GALM: variants seen among roughly 807,000 people sequenced by gnomAD.
GALM encodes aldose 1-epimerase.
GALM carries 43 observed loss-of-function variants against 37.4 expected under a neutral mutation model. That is an observed-to-expected ratio of 1.15 (90% confidence interval 0.90 to 1.48). GALM has a LOEUF of 1.48. Ranked by LOEUF, GALM falls within the 40% of genes most tolerant of loss-of-function variation. GALM has a pLI of 0.00. For synonymous variants in GALM, 199 were observed against 170.6 expected, an observed-to-expected ratio of 1.17 and a Z score of -1.30; for missense variants, 456 against 419.1, an observed-to-expected ratio of 1.09 and a Z score of -0.77.
chr2:38,714,218 G>T (rs1233032205), intron 4 of GALM, among the ~76,000 whole-genome samples: 1 of 151,630 alleles, frequency 6.6e-6, no homozygotes, highest in Non-Finnish European at 1.5e-5. Flanking sequence ...TTTTGCGGGG[G>T]GGTTGTTGTT....
chr2:38,675,589 G>GTGTGT (rs1665240236), intron 1 of GALM, among the ~76,000 whole-genome samples: 2 of 128,424 alleles, frequency 1.6e-5, no homozygotes, highest in Non-Finnish European at 3.2e-5. Context: ...GTGTGTGTGT[G>GTGTGT]ATGGAGTCTC....
chr2:38,678,713 G>C (rs185516845), intron 2 of GALM, among the ~76,000 whole-genome samples: 3 of 152,146 alleles, frequency 2.0e-5, no homozygotes, highest in African/African-American at 7.2e-5. Flanking sequence ...TGCCTTCACT[G>C]TAGGTGAAGG....
chr2:38,686,240 C>CT (rs1240589617), intron 3 of GALM, among the ~76,000 whole-genome samples: 51 of 92,036 alleles, frequency 5.5e-4, no homozygotes, highest in African/African-American at 3.3e-3. Context: ...TTCTTTCTTT[C>CT]TTTCTTTCTT....
chr2:38,710,876 C>T (rs1280358653), intron 4 of GALM, among the ~76,000 whole-genome samples: 1 of 151,538 alleles, frequency 6.6e-6, no homozygotes, highest in Non-Finnish European at 1.5e-5. Context: ...GCCTCAGCCT[C>T]CCGAGTAGCT....
At chr2:38,698,467 C>T in intron 4 of GALM, 4 of 1,187,904 alleles carry the variant, frequency 3.4e-6, no homozygotes, top group Non-Finnish European at 4.5e-6. Context: ...TGGATGTTAG[C>T]AGTTAATTTA....
chr2:38,694,822 G>A (rs900802743), intron 4 of GALM, among the ~76,000 whole-genome samples: 27 of 151,418 alleles, frequency 1.8e-4, no homozygotes, highest in African/African-American at 5.6e-4. Flanking sequence ...GCGTGAACCC[G>A]GGAGGTGGAG....
In GALM at chr2:38,675,843, A is replaced by G. The variant is rs1159119478; in HGVS notation, c.191-69A>G. ...CTCGGCCTCCCATAGTGCTGGGATT[A>G]CAGGTGTGAGCCACCGTGCCCAGCC... On this transcript the variant is annotated intron_variant, in intron 1 of 6. Coordinates refer to ENST00000272252, the MANE Select transcript of GALM (RefSeq NM_138801.3). 4 of 1,459,946 alleles carry G rather than the reference A, an allele frequency of 2.7e-6. No individual in the cohort carries two copies. The East Asian group carries it at 6.8e-5, about 25-fold the overall frequency. The allele number at this position is 1,459,946 out of a possible 1,614,324, so 90.4% of individuals were successfully genotyped here. A position where few individuals can be genotyped will look rare whatever the true frequency, so the allele number is the denominator to read the frequency against.
intron 1 of GALM, among the ~76,000 whole-genome samples, chr2:38,672,329 T>G (rs1171138516): frequency 6.6e-6 from 1 of 152,238 alleles, no homozygotes; most frequent in Non-Finnish European, 1.5e-5. Context: ...TCTATAATTT[T>G]TGAGCTTCTG....
At chr2:38,696,556 C>T (rs1351318293) in intron 4 of GALM, among the ~76,000 whole-genome samples, 1 of 151,648 alleles carries the variant, frequency 6.6e-6, no homozygotes, top group Non-Finnish European at 1.5e-5. Flanking sequence ...CTCCGCCTTC[C>T]AAATAGCTAG....
intron 4 of GALM, among the ~76,000 whole-genome samples, chr2:38,713,540 T>A (rs1288617301): frequency 6.6e-6 from 1 of 152,138 alleles, no homozygotes; most frequent in Non-Finnish European, 1.5e-5. Flanking sequence ...AATCGCTGAT[T>A]TACAGGGCTG....
chr2:38,699,691 A>C (rs1665878309), intron 4 of GALM, among the ~76,000 whole-genome samples: 1 of 152,162 alleles, frequency 6.6e-6, no homozygotes, highest in Non-Finnish European at 1.5e-5. Flanking sequence ...TTCTTCACTG[A>C]TCATTCAGGA....
chr2:38,720,045 AAATAAT>A (rs997734674), intron 4 of GALM, among the ~76,000 whole-genome samples: 33 of 151,698 alleles, frequency 2.2e-4, no homozygotes, highest in Admixed American at 1.5e-3. Context: ...CTACTAAAAA[AAATAAT>A]AATAATAATA....
intron 1 of GALM, chr2:38,668,213 T>C (rs1665003968): frequency 6.6e-6 from 1 of 152,094 alleles, no homozygotes; most frequent in African/African-American, 2.4e-5. Flanking sequence ...AGAGGTGGAG[T>C]CTCGCTCTGT....
At chr2:38,711,000 C>T (rs55893071) in intron 4 of GALM, among the ~76,000 whole-genome samples, 33,245 of 151,720 alleles carry the variant, frequency 0.22, 4,377 homozygotes, top group Non-Finnish European at 0.29. Flanking sequence ...GCGATCCACC[C>T]ACCTCAGCCT....
intron 1 of GALM, among the ~76,000 whole-genome samples, chr2:38,672,517 AC>A (rs1665136161): frequency 6.6e-6 from 1 of 152,072 alleles, no homozygotes; most frequent in Admixed American, 6.6e-5. Context: ...AAGGTTAATA[AC>A]CAGAAAGCCT....
At chr2:38,679,649 A>G (rs1665347899) in intron 2 of GALM, among the ~76,000 whole-genome samples, 1 of 152,166 alleles carries the variant, frequency 6.6e-6, no homozygotes, top group South Asian at 2.1e-4. Context: ...AGAGCTCTCT[A>G]AAGGCACTGG....
intron 3 of GALM, among the ~76,000 whole-genome samples, chr2:38,687,160 G>C (rs1310382845): frequency 6.6e-6 from 1 of 152,158 alleles, no homozygotes; most frequent in South Asian, 2.1e-4. Context: ...ACAGTCCCAG[G>C]GGCATCTCCA....
At position 38,686,237 on chromosome 2, in the gene GALM, T is replaced by C. The variant is rs201329486; in HGVS notation, c.553-3576T>C. Reference sequence around the variant, plus strand: ...AAGTGGAAATTTCTTTCTTTCTTTCTTTCTTTCTTTCTTTCTTTCTTTCTT... The same window carrying C: ...AAGTGGAAATTTCTTTCTTTCTTTCCTTCTTTCTTTCTTTCTTTCTTTCTT... On this transcript the variant is annotated intron_variant, in intron 3 of 6. Transcript: ENST00000272252. Among the ~76,000 whole-genome samples, 807 of 82,460 alleles carry C rather than the reference T, an allele frequency of 9.8e-3. 17 individuals carry two copies. Among genetic ancestry groups the C allele is most frequent in the East Asian group, 0.071 (109 of 1,528 alleles). 54.1% of individuals were successfully genotyped at this position (82,460 alleles called of 152,430 possible). A position where few individuals can be genotyped will look rare whatever the true frequency, so the allele number is the denominator to read the frequency against.
At chr2:38,732,623 A>C (rs1301427789) in intron 6 of GALM, among the ~76,000 whole-genome samples, 2 of 152,174 alleles carry the variant, frequency 1.3e-5, no homozygotes, top group African/African-American at 2.4e-5. Flanking sequence ...GCCCACAATA[A>C]GAAGCTTGCA....
Sources: allele counts gnomAD v4.1 joint callset (sites outside exome capture counted in the v4.1 genomes callset), GRCh38; gene constraint gnomAD v4.1.1; transcripts MANE v1.5; gene names NCBI Gene and HGNC (gene_info 2026-07-23, HGNC 2026-07-21).